Variants in TPTE observed in about 807,000 individuals in gnomAD.
TPTE encodes the protein transmembrane phosphatase with tensin homology, also known as putative tyrosine-protein phosphatase TPTE.
A neutral mutation model predicts 84.1 loss-of-function variants in TPTE; 59 were observed. That is an observed-to-expected ratio of 0.70 (90% CI 0.57 to 0.87). The LOEUF is 0.87. Ranked by LOEUF, TPTE falls within the 40% of genes least tolerant of loss-of-function variation. TPTE has a pLI of 0.00. For synonymous variants in TPTE, 130 were observed against 223.5 expected, an observed-to-expected ratio of 0.58 and a Z score of 3.73; for missense variants, 382 against 659.6, an observed-to-expected ratio of 0.58 and a Z score of 4.61.
intron 10 of TPTE, among the ~76,000 whole-genome samples, chr21:10,562,309 T>G (rs2074823914): frequency 6.6e-6 from 1 of 152,378 alleles, no homozygotes; most frequent in Non-Finnish European, 1.5e-5. Flanking sequence ...ATAAATACAG[T>G]GAAAACTACA....
intron 20 of TPTE, among the ~76,000 whole-genome samples, chr21:10,597,308 T>A (rs191004): frequency 0.11 from 14,857 of 132,478 alleles, no homozygotes; most frequent in Non-Finnish European, 0.12. Context: ...TAAACGACAG[T>A]ATTTATTATT....
At chr21:10,558,468 CATT>C (rs1174582245) in intron 8 of TPTE, among the ~76,000 whole-genome samples, 2 of 152,308 alleles carry the variant, frequency 1.3e-5, no homozygotes, top group African/African-American at 4.8e-5. Context: ...AATGGTATCT[CATT>C]GTGGTTTTGA....
chr21:10,595,386 A>C (rs1393177780), intron 19 of TPTE, among the ~76,000 whole-genome samples: 1 of 152,312 alleles, frequency 6.6e-6, no homozygotes, highest in Non-Finnish European at 1.5e-5. Flanking sequence ...AGAGCTCTTC[A>C]ATACCTTGAA....
At chr21:10,579,494 A>C (rs1370443328) in intron 17 of TPTE, among the ~76,000 whole-genome samples, 1 of 152,312 alleles carries the variant, frequency 6.6e-6, no homozygotes, top group African/African-American at 2.4e-5. Flanking sequence ...CCATCTAAAA[A>C]AATAACAATA....
intron 8 of TPTE, among the ~76,000 whole-genome samples, chr21:10,557,268 G>A (rs1435224865): frequency 6.6e-6 from 1 of 152,308 alleles, no homozygotes; most frequent in Non-Finnish European, 1.5e-5. Context: ...TGGATTTACT[G>A]AGTCATAGTT....
chr21:10,588,671 A>C, intron 17 of TPTE, among the ~76,000 whole-genome samples: 1 of 152,430 alleles, frequency 6.6e-6, no homozygotes, highest in East Asian at 1.9e-4. Context: ...GTCACTTTAC[A>C]TAATCTCATA....
At chr21:10,565,157 G>C (rs1226214609) in intron 10 of TPTE, among the ~76,000 whole-genome samples, 1 of 152,306 alleles carries the variant, frequency 6.6e-6, no homozygotes, top group East Asian at 1.9e-4. Flanking sequence ...ATTCAGTAAA[G>C]TTGCAGGATA....
chr21:10,583,960 G>T (rs1484007717), intron 17 of TPTE, among the ~76,000 whole-genome samples: 1 of 152,310 alleles, frequency 6.6e-6, no homozygotes, highest in African/African-American at 2.4e-5. Flanking sequence ...AATTGTTTGG[G>T]TATTTTAGGT....
intron 3 of TPTE, among the ~76,000 whole-genome samples, chr21:10,531,036 T>C (rs541042911): frequency 1.8e-3 from 267 of 152,306 alleles, no homozygotes; most frequent in African/African-American, 6.3e-3. Context: ...GTGTGCTGTT[T>C]TTGAATATTT....
At chr21:10,553,398 A>G (rs1349893655) in intron 8 of TPTE, among the ~76,000 whole-genome samples, 4 of 152,304 alleles carry the variant, frequency 2.6e-5, no homozygotes, top group Admixed American at 1.3e-4. Flanking sequence ...TTAACTCACC[A>G]TGGTTGTAAG....
intron 8 of TPTE, among the ~76,000 whole-genome samples, chr21:10,553,260 T>C (rs990592094): frequency 6.6e-6 from 1 of 152,308 alleles, no homozygotes; most frequent in African/African-American, 2.4e-5. Context: ...CAATACATTC[T>C]TAAACTGGCT....
At chr21:10,581,811 C>T (rs1311212063) in intron 17 of TPTE, among the ~76,000 whole-genome samples, 1 of 152,310 alleles carries the variant, frequency 6.6e-6, no homozygotes, top group Non-Finnish European at 1.5e-5. Flanking sequence ...CGGCTCATTG[C>T]AGCCTGAACC....
intron 7 of TPTE, among the ~76,000 whole-genome samples, chr21:10,544,626 C>T (rs548386405): frequency 6.8e-4 from 104 of 152,396 alleles, no homozygotes; most frequent in African/African-American, 2.3e-3. Context: ...CCTCGTGATC[C>T]ACCCGCCTCA....
intron 9 of TPTE, 72 bp downstream of exon 9, chr21:10,559,616 G>A (rs1332765237): frequency 6.2e-7 from 1 of 1,609,490 alleles, no homozygotes; most frequent in Non-Finnish European, 8.5e-7. Context: ...GCTCACACCT[G>A]TAATCCCAGC....
chr21:10,538,274 A>C (rs1012741757), intron 3 of TPTE, among the ~76,000 whole-genome samples: 1 of 152,306 alleles, frequency 6.6e-6, no homozygotes, highest in Admixed American at 6.5e-5. Flanking sequence ...ACCTGCAGTT[A>C]CTTTACCGTA....
intron 10 of TPTE, among the ~76,000 whole-genome samples, chr21:10,563,332 TAGTA>T (rs763829685): frequency 1.3e-5 from 2 of 152,428 alleles, no homozygotes; most frequent in South Asian, 2.1e-4. Context: ...TCACTGGTAA[TAGTA>T]GGTATACAGA....
chr21:10,564,828 C>T (rs1427923586), intron 10 of TPTE, among the ~76,000 whole-genome samples: 1 of 152,308 alleles, frequency 6.6e-6, no homozygotes, highest in Admixed American at 6.5e-5. Context: ...CCTAAAAAAA[C>T]TGGGTATAGA....
intron 10 of TPTE, 51 bp downstream of exon 10, chr21:10,561,242 G>T (rs1457815768): frequency 6.2e-7 from 1 of 1,603,880 alleles, no homozygotes; most frequent in Non-Finnish European, 8.5e-7. Flanking sequence ...AGTTTTATAA[G>T]AAGCACTTTC....
chr21:10,570,212 CA>C (rs1338232324), intron 13 of TPTE, among the ~76,000 whole-genome samples: 1 of 152,424 alleles, frequency 6.6e-6, no homozygotes, highest in South Asian at 2.1e-4. Flanking sequence ...ATTCTAAGAA[CA>C]GGGGGAACTT....
Sources: allele counts gnomAD v4.1 joint callset (sites outside exome capture counted in the v4.1 genomes callset), GRCh38; gene constraint gnomAD v4.1.1; transcripts MANE v1.5; gene names NCBI Gene and HGNC (gene_info 2026-07-23, HGNC 2026-07-21).